Variants in GDI2 observed in about 807,000 individuals in gnomAD.
The protein encoded by GDI2 is rab GDP dissociation inhibitor beta.
Under a neutral mutation model 54.2 loss-of-function variants are expected in GDI2, and 22 were observed. The observed-to-expected ratio is 0.41, with a 90% CI of 0.29 to 0.58. GDI2 has a LOEUF of 0.58. GDI2 is among the 20% of genes least tolerant of loss of function. GDI2 has a pLI of 0.35. For synonymous variants in GDI2, 177 were observed against 182.1 expected, an observed-to-expected ratio of 0.97 and a Z score of 0.23; for missense variants, 422 against 546.0, an observed-to-expected ratio of 0.77 and a Z score of 2.26.
rs918375448 is a variant in GDI2 at position 5,766,922 on chromosome 10, A to G, written c.992-284T>C. 1.3e-5 allele frequency among the ~76,000 whole-genome samples: 2 copies of G among 152,182 alleles called. No homozygotes were observed. Among genetic ancestry groups the G allele is most frequent in the Non-Finnish European group, 2.9e-5 (2 of 68,032 alleles). On this transcript the variant is annotated intron_variant, in intron 8 of 10. Coordinates refer to ENST00000380191, the MANE Select transcript of GDI2 (RefSeq NM_001494.4). The surrounding 1 kb of genome is among the most constrained non-coding windows in gnomAD (Gnocchi z 5.8). ...CAGCTCTGTCATACCTAACTAAAAA[A>G]CCTGCCAAACCATATTAACTATTCT...
Position 5,776,848 on chromosome 10 carries a change from T to C in GDI2, c.720-2907A>G, listed in dbSNP as rs930385162. On this transcript the variant is annotated intron_variant, in intron 6 of 10. Transcript: ENST00000380191. This position sits in a 1 kb window ranked among gnomAD's most constrained non-coding sequence, Gnocchi z 5.3. ...TGGAGCTGAGGATATTCTGAAAGGATTTATGAATAATTAAAATGGAAGGCC... is the reference window on the plus strand; with the variant it reads ...TGGAGCTGAGGATATTCTGAAAGGACTTATGAATAATTAAAATGGAAGGCC... 3.9e-6 allele frequency: 5 copies of C among 1,269,060 alleles called. No homozygotes were observed. The highest frequency in any genetic ancestry group is 1.9e-4 in the Middle Eastern group (1 of 5,192). The allele number at this position is 1,269,060 out of a possible 1,614,324, so 78.6% of individuals were successfully genotyped here.
At chr10:5,806,258 T>A (rs1308376045) in intron 1 of GDI2, among the ~76,000 whole-genome samples, 1 of 152,048 alleles carries the variant, frequency 6.6e-6, no homozygotes, top group East Asian at 1.9e-4. Context: ...ACAAATAAGG[T>A]TGAACACTTT....
chr10:5,769,927 C>T (rs1840447164), intron 7 of GDI2, among the ~76,000 whole-genome samples: 1 of 152,196 alleles, frequency 6.6e-6, no homozygotes, highest in South Asian at 2.1e-4. Flanking sequence ...GACATTTGTA[C>T]ACCCATTTTC....
At chr10:5,788,769 T>G (rs532831547) in intron 4 of GDI2, among the ~76,000 whole-genome samples, 54 of 151,828 alleles carry the variant, frequency 3.6e-4, no homozygotes, top group African/African-American at 1.3e-3. Flanking sequence ...TTTGCATGTT[T>G]TTTTTTTTTT....
At position 5,776,024 on chromosome 10, in the gene GDI2, C is replaced by T. The variant is rs1840611124; in HGVS notation, c.720-2083G>A. 1 of 191,940 alleles carries T rather than the reference C, an allele frequency of 5.2e-6. No homozygotes were observed. Among genetic ancestry groups the T allele is most frequent in the Non-Finnish European group, 1.1e-5 (1 of 91,262 alleles). 11.9% of individuals were successfully genotyped at this position (191,940 alleles called of 1,614,324 possible). On this transcript the variant is annotated intron_variant, in intron 6 of 10. Transcript: ENST00000380191. This position sits in a 1 kb window ranked among gnomAD's most constrained non-coding sequence, Gnocchi z 5.3. ...CTCCATGTTCCCCTGCGCCACTGCT[C>T]CCCTTCCTAAGGCTGCCACTTACCC... is the stretch of plus-strand genomic sequence containing the variant.
chr10:5,765,905 C>T lies in GDI2; in HGVS notation c.*101G>A. ...CTGGCACAGCGCTCTTCATTCTCTC[C>T]ATTTTCATTACAAAAGCAGGCCTTA... is the stretch of plus-strand genomic sequence containing the variant. On this transcript the variant is annotated 3_prime_UTR_variant, in exon 11 of 11. Transcript: ENST00000380191. 1 of 834,658 alleles carries T rather than the reference C, an allele frequency of 1.2e-6. No homozygotes were observed. The highest frequency in any genetic ancestry group is 1.7e-5 in the African/African-American group (1 of 58,414). 51.7% of individuals were successfully genotyped at this position (834,658 alleles called of 1,614,324 possible).
intron 5 of GDI2, 130 bp from the exon 6 acceptor site, chr10:5,785,403 C>T (rs1268118280): frequency 1.5e-6 from 1 of 681,404 alleles, no homozygotes; most frequent in Non-Finnish European, 2.5e-6. Flanking sequence ...GAGACAGGGT[C>T]TCACTCTGTC....
intron 6 of GDI2, among the ~76,000 whole-genome samples, chr10:5,779,285 C>T (rs911113567): frequency 5.9e-5 from 9 of 151,714 alleles, no homozygotes; most frequent in East Asian, 5.8e-4. Flanking sequence ...CTGAGGCGGG[C>T]GGATCACAAG....
chr10:5,776,454 C>G lies in GDI2; in HGVS notation c.720-2513G>C, dbSNP rs1840623781. 7.8e-6 allele frequency: 7 copies of G among 903,076 alleles called. No individual in the cohort carries two copies. Among genetic ancestry groups the G allele is most frequent in the South Asian group, 5.2e-5 (4 of 76,294 alleles). The allele number at this position is 903,076 out of a possible 1,614,324, so 55.9% of individuals were successfully genotyped here. On this transcript the variant is annotated intron_variant, in intron 6 of 10. Coordinates refer to ENST00000380191, the MANE Select transcript of GDI2 (RefSeq NM_001494.4). The surrounding 1 kb of genome is among the most constrained non-coding windows in gnomAD (Gnocchi z 5.3). The stretch of plus-strand genomic sequence containing the variant: ...GGATCCAGACACGCTACTATTTTTA[C>G]TTTAGCAAAAGAGTGAGCCAGCAGA...
chr10:5,806,938 C>G (rs1384251831), intron 1 of GDI2, among the ~76,000 whole-genome samples: 1 of 152,050 alleles, frequency 6.6e-6, no homozygotes, highest in African/African-American at 2.4e-5. Context: ...TGGACTATGG[C>G]CGTAAAGCAA....
Position 5,813,397 on chromosome 10 carries a change from C to A in GDI2, c.-139G>T, listed in dbSNP as rs1453417271. The A allele has an allele frequency of 1.8e-5, 10 of 550,886 alleles. No homozygotes were observed. The highest frequency in any genetic ancestry group is 4.0e-5 in the African/African-American group (2 of 50,402). 34.1% of individuals were successfully genotyped at this position (550,886 alleles called of 1,614,324 possible). A position where few individuals can be genotyped will look rare whatever the true frequency, so the allele number is the denominator to read the frequency against. On this transcript the variant is annotated 5_prime_UTR_variant, in exon 1 of 11. Coordinates refer to ENST00000380191, the MANE Select transcript of GDI2 (RefSeq NM_001494.4). ...GAGGAAAATGGAGCTGGCGACAAGG[C>A]GAGACCGACCGCCACCTCAGACGGG...
chr10:5,782,038 A>T (rs1031274857), intron 6 of GDI2, among the ~76,000 whole-genome samples: 2 of 152,230 alleles, frequency 1.3e-5, no homozygotes, highest in African/African-American at 4.8e-5. Context: ...ACTTATGCTT[A>T]TCAAAAGACC....
intron 4 of GDI2, among the ~76,000 whole-genome samples, chr10:5,793,313 A>G (rs1216530830): frequency 2.0e-5 from 3 of 152,176 alleles, no homozygotes; most frequent in African/African-American, 7.2e-5. Context: ...AAAGGATTCT[A>G]TTCAAACTCA....
chr10:5,813,429 A>T lies in GDI2; in HGVS notation c.-171T>A. 2.9e-6 allele frequency: 1 copy of T among 339,418 alleles called. No homozygotes were observed. The highest frequency in any genetic ancestry group is 5.6e-6 in the Non-Finnish European group (1 of 179,166). 21.0% of individuals were successfully genotyped at this position (339,418 alleles called of 1,614,324 possible). On this transcript the variant is annotated 5_prime_UTR_variant, in exon 1 of 11. Transcript: ENST00000380191. ...GACCGCCACCTCAGACGGGAAGAGA[A>T]GAACTGGGCGGGGAGAGGAGGGGAG... is the stretch of plus-strand genomic sequence containing the variant.
At chr10:5,793,012 T>C (rs12240768) in intron 4 of GDI2, among the ~76,000 whole-genome samples, 1,717 of 151,988 alleles carry the variant, frequency 0.011, 31 homozygotes, top group African/African-American at 0.038. Context: ...AAAAAAATTT[T>C]GAGACAGGGT....
rs1840341640 is a variant in GDI2, at chr10:5,766,650, T to G, written c.992-12A>C. The stretch of plus-strand genomic sequence containing the variant: ...GCAGACGTAGATATCTAGAAACAAA[T>G]GATACCAGCTCACTGCCTCAAGTGT... On this transcript the variant is annotated splice_polypyrimidine_tract_variant and intron_variant, in intron 8 of 10. Transcript: ENST00000380191. The surrounding 1 kb of genome is among the most constrained non-coding windows in gnomAD (Gnocchi z 5.8). 2 of 1,611,494 alleles carry G rather than the reference T, an allele frequency of 1.2e-6. No individual in the cohort carries two copies. Among genetic ancestry groups the G allele is most frequent in the Non-Finnish European group, 8.5e-7 (1 of 1,177,738 alleles).
chr10:5,768,381 C>T lies in GDI2; in HGVS notation c.823G>A (p.Ala275Thr). 1 of 1,605,400 alleles carries T rather than the reference C, an allele frequency of 6.2e-7. No homozygotes were observed. The highest frequency in any genetic ancestry group is 8.5e-7 in the Non-Finnish European group (1 of 1,172,190). The stretch of plus-strand genomic sequence containing the variant: ...TCACAGATGAGCTGCTTACAGCGAG[C>T]AATCTATAACAAAGCATTTAAGAAG... Reference protein sequence around the residue: ...VIGVKSEGEIARCKQLICDPS... With the variant: ...VIGVKSEGEITRCKQLICDPS... The change falls in exon 8 of 11, where the codon GCT (alanine) becomes ACT (threonine). Residue 275 changes from alanine to threonine, a missense_variant. Ala to Thr is a moderately conservative substitution (Grantham distance 58). Coordinates refer to ENST00000380191, the MANE Select transcript of GDI2 (RefSeq NM_001494.4). The surrounding 1 kb of genome is among the most constrained non-coding windows in gnomAD (Gnocchi z 4.4).
At chr10:5,808,537 G>A (rs182953822) in intron 1 of GDI2, among the ~76,000 whole-genome samples, 1 of 151,880 alleles carries the variant, frequency 6.6e-6, no homozygotes, top group African/African-American at 2.4e-5. Flanking sequence ...TTAGCCGGGC[G>A]TGGTGGTGAG....
intron 1 of GDI2, among the ~76,000 whole-genome samples, chr10:5,810,883 T>G (rs142558858): frequency 2.6e-5 from 4 of 152,324 alleles, no homozygotes; most frequent in African/African-American, 9.6e-5. Context: ...AGCTTAGACT[T>G]AACAACTCAT....
Sources: gnomAD v4.1 joint callset for allele counts (sites outside exome capture counted in the v4.1 genomes callset) on GRCh38, gnomAD v4.1.1 for gene constraint, Gnocchi (gnomAD v3.1) non-coding constraint, MANE v1.5 for transcripts, NCBI Gene and HGNC (gene_info 2026-07-23, HGNC 2026-07-21) for gene names.